The following COL23A1 variants were observed in gnomAD, a reference collection of about 807,000 sequenced individuals.
COL23A1 encodes the protein collagen type XXIII alpha 1 chain.
A neutral mutation model predicts 99.3 loss-of-function variants in COL23A1; 97 were observed. The ratio of observed to expected loss-of-function variants is 0.98; its 90% CI spans 0.83 to 1.16. COL23A1 has a LOEUF of 1.16. Ranked by LOEUF, COL23A1 falls within the 50% of genes most tolerant of loss-of-function variation. COL23A1 has a pLI of 0.00. For missense variants in COL23A1, 762 were observed against 757.4 expected (o/e 1.01, Z -0.07); for synonymous variants, 320 against 308.2 (o/e 1.04, Z -0.40).
chr5:178,561,213 AG>A (rs1188497274), intron 1 of COL23A1, among the ~76,000 whole-genome samples: 1 of 152,224 alleles, frequency 6.6e-6, no homozygotes, highest in Non-Finnish European at 1.5e-5. Flanking sequence ...AGCCCCTCCT[AG>A]CCCACCAGCC....
intron 3 of COL23A1, among the ~76,000 whole-genome samples, chr5:178,301,289 T>C (rs1758017967): frequency 6.6e-6 from 1 of 152,238 alleles, no homozygotes; most frequent in Non-Finnish European, 1.5e-5. Flanking sequence ...TAAAAAATAC[T>C]TTTGATCTGT....
rs1232545314 is a variant in COL23A1, at chr5:178,246,312, A to G, written c.1360-5T>C. On this transcript the variant is annotated splice_region_variant and splice_polypyrimidine_tract_variant and intron_variant, in intron 23 of 28. Transcript: ENST00000390654. ...GCCCGGTGGGCCAACTGGCCCCTGG[A>G]TAGAAAAGGAATGAGTCAAGAGGCA... 1 of 1,556,862 alleles carries G rather than the reference A, an allele frequency of 6.4e-7. No homozygotes were observed. The highest frequency in any genetic ancestry group is 1.4e-5 in the African/African-American group (1 of 73,644).
chr5:178,379,636 C>G (rs1007378694), intron 2 of COL23A1, among the ~76,000 whole-genome samples: 1 of 152,116 alleles, frequency 6.6e-6, no homozygotes, highest in Admixed American at 6.5e-5. Flanking sequence ...AATCCCAGGA[C>G]TTTGGGAGGC....
chr5:178,278,522 G>A (rs1581512444), intron 5 of COL23A1, among the ~76,000 whole-genome samples: 1 of 152,204 alleles, frequency 6.6e-6, no homozygotes, highest in East Asian at 1.9e-4. Flanking sequence ...AGGCCCTGCC[G>A]TTTTCTCTGC....
At chr5:178,357,305 T>C (rs59970256) in intron 2 of COL23A1, among the ~76,000 whole-genome samples, 1 of 152,058 alleles carries the variant, frequency 6.6e-6, no homozygotes, top group Admixed American at 6.6e-5. Flanking sequence ...GTCCACGCCC[T>C]CAGGAGAATG....
intron 2 of COL23A1, among the ~76,000 whole-genome samples, chr5:178,427,589 A>G (rs541031117): frequency 6.6e-6 from 1 of 152,360 alleles, no homozygotes; most frequent in South Asian, 2.1e-4. Flanking sequence ...ATTTAGCTAC[A>G]TAATATTTAG....
rs1490635338 is a variant in COL23A1, at chr5:178,270,508, T to C, written c.442-145A>G. The C allele has an allele frequency of 4.4e-6, 4 of 919,454 alleles. No individual in the cohort carries two copies. The East Asian group carries it at 1.0e-4, about 24-fold the overall frequency. 57.0% of individuals were successfully genotyped at this position (919,454 alleles called of 1,614,324 possible). A position where few individuals can be genotyped will look rare whatever the true frequency, so the allele number is the denominator to read the frequency against. On this transcript the variant is annotated intron_variant, in intron 5 of 28. Transcript: ENST00000390654. ...GGGTTCAGTCCATGTGGCCTGGGGC[T>C]GAGGGAGGGGAAGGCATCTGTGTGT...
intron 25 of COL23A1, among the ~76,000 whole-genome samples, chr5:178,244,986 A>G (rs1186698913): frequency 7.1e-6 from 1 of 141,648 alleles, no homozygotes; most frequent in Non-Finnish European, 1.6e-5. Flanking sequence ...CTCATCATCT[A>G]TCATCCATCC....
In COL23A1 at chr5:178,403,474, T is replaced by C. The variant is rs1398333433; in HGVS notation, c.362-96555A>G. 2.6e-5 allele frequency among the ~76,000 whole-genome samples: 4 copies of C among 152,252 alleles called. No individual in the cohort carries two copies. The East Asian group carries it at 7.7e-4, about 29-fold the overall frequency. On this transcript the variant is annotated intron_variant, in intron 2 of 28. Transcript: ENST00000390654. The stretch of plus-strand genomic sequence containing the variant: ...CAACAGCCCCTTGAAGGTGGGATTG[T>C]TCTTCCTATTTCATCGATGGTGTCC...
chr5:178,425,924 C>T (rs572307027), intron 2 of COL23A1, among the ~76,000 whole-genome samples: 1 of 152,330 alleles, frequency 6.6e-6, no homozygotes, highest in South Asian at 2.1e-4. Context: ...CCAGCCGCTC[C>T]CGATGGACTT....
At chr5:178,546,052 GCCGGGAGGCTGC>G in intron 2 of COL23A1, among the ~76,000 whole-genome samples, 1 of 151,958 alleles carries the variant, frequency 6.6e-6, no homozygotes, top group East Asian at 1.9e-4. Flanking sequence ...ATTCCAAGGA[GCCGGGAGGCTGC>G]CCGGGAGGTG....
chr5:178,247,375 G>A, intron 22 of COL23A1, 151 bp downstream of exon 22: 1 of 804,904 alleles, frequency 1.2e-6, no homozygotes, highest in Admixed American at 2.5e-5. Context: ...GGGAGGTTAT[G>A]CCCTGGGGAC....
At chr5:178,254,513 T>C (rs963145366) in intron 16 of COL23A1, among the ~76,000 whole-genome samples, 8 of 152,114 alleles carry the variant, frequency 5.3e-5, no homozygotes, top group Admixed American at 3.3e-4. Context: ...AGTCCCAAGT[T>C]TACCAGCGAC....
intron 2 of COL23A1, among the ~76,000 whole-genome samples, chr5:178,454,803 G>A (rs1315624059): frequency 6.6e-6 from 1 of 152,236 alleles, no homozygotes. Context: ...GCGTGTATTA[G>A]TTTCCCGTGG....
At chr5:178,569,811 G>A (rs1054589468) in intron 1 of COL23A1, among the ~76,000 whole-genome samples, 3 of 152,128 alleles carry the variant, frequency 2.0e-5, no homozygotes, top group African/African-American at 7.2e-5. Flanking sequence ...GCAGCTCACA[G>A]TTCCCTGCCA....
intron 8 of COL23A1, 40 bp from the exon 9 acceptor site, chr5:178,263,364 G>C: frequency 1.5e-6 from 2 of 1,296,020 alleles, no homozygotes; most frequent in Non-Finnish European, 2.2e-6. Flanking sequence ...GAGGGGGAGG[G>C]GGTCCAGCCT....
chr5:178,331,070 A>G (rs1008213644), intron 2 of COL23A1, among the ~76,000 whole-genome samples: 21 of 152,240 alleles, frequency 1.4e-4, no homozygotes, highest in Admixed American at 7.8e-4. Context: ...TAGGAGCTTC[A>G]TAAGTATTGG....
chr5:178,438,774 T>C lies in COL23A1; in HGVS notation c.361+121908A>G, dbSNP rs570763204. ...AGCGAGAGAATCAAGAACACTCTTT[T>C]AGGAAATGCTAGCATTAGAAGCATC... On this transcript the variant is annotated intron_variant, in intron 2 of 28. Coordinates refer to ENST00000390654, the MANE Select transcript of COL23A1 (RefSeq NM_173465.4). 5.3e-5 allele frequency: 8 copies of C among 152,266 alleles called. No homozygotes were observed. In the East Asian group the frequency reaches 1.5e-3, roughly 29 times the overall value. The allele number at this position is 152,266 out of a possible 1,614,324, so 9.4% of individuals were successfully genotyped here.
At chr5:178,572,734 T>C (rs1236334984) in intron 1 of COL23A1, among the ~76,000 whole-genome samples, 3 of 152,220 alleles carry the variant, frequency 2.0e-5, no homozygotes, top group Admixed American at 6.5e-5. Flanking sequence ...TGAATACCCA[T>C]AGCAGCTTTA....
Sources: allele counts gnomAD v4.1 joint callset (sites outside exome capture counted in the v4.1 genomes callset), GRCh38; gene constraint gnomAD v4.1.1; transcripts MANE v1.5; gene names NCBI Gene and HGNC (gene_info 2026-07-23, HGNC 2026-07-21).